Variants in RAB21 observed in about 807,000 individuals in gnomAD.
RAB21 encodes the protein ras-related protein Rab-21.
Under a neutral mutation model 33.1 loss-of-function variants are expected in RAB21, and 13 were observed. The ratio of observed to expected loss-of-function variants is 0.39; its 90% CI spans 0.26 to 0.62. The LOEUF is 0.62. Among genes scored for constraint, RAB21 ranks in the 20% least tolerant of loss-of-function variants. The pLI is 0.48. For synonymous variants in RAB21, 91 were observed against 103.7 expected (o/e 0.88, Z 0.74); for missense variants, 234 against 279.1 (o/e 0.84, Z 1.15).
intron 6 of RAB21, among the ~76,000 whole-genome samples, chr12:71,783,656 A>G (rs1273304284): frequency 6.6e-6 from 1 of 152,154 alleles, no homozygotes; most frequent in Non-Finnish European, 1.5e-5. Flanking sequence ...GGTGCCCAGA[A>G]TCTGTGTTTT....
At position 71,788,802 on chromosome 12, in the gene RAB21, TCTG is replaced by T. The variant is rs948669801; in HGVS notation, c.*3132_*3134del. The T allele has an allele frequency of 1.3e-5, 2 of 152,202 alleles. No individual in the cohort carries two copies. The highest frequency in any genetic ancestry group is 1.3e-4 in the Admixed American group (2 of 15,282). 9.4% of individuals were successfully genotyped at this position (152,202 alleles called of 1,614,324 possible). On this transcript the variant is annotated 3_prime_UTR_variant, in exon 7 of 7. Coordinates refer to ENST00000261263, the MANE Select transcript of RAB21 (RefSeq NM_014999.4). Reference sequence around the variant, plus strand: ...TTGTTTCTGTAATGATGATGGGTATTCTGCTTCTTGTTTTTCATTGTAATTACA... The same window carrying T: ...TTGTTTCTGTAATGATGATGGGTATTCTTCTTGTTTTTCATTGTAATTACA...
intron 4 of RAB21, chr12:71,774,343 A>G (rs1054708629): frequency 2.5e-5 from 4 of 159,724 alleles, no homozygotes; most frequent in Admixed American, 6.7e-5. Context: ...GCATATGCCT[A>G]TAGTCCCAGC....
In RAB21 at chr12:71,794,405, T is replaced by TTATATATATATA. The variant is rs1197587877; in HGVS notation, c.*8744_*8755dup. ...AAAACAAAACAAAACCATATATATA[T>TTATATATATATA]TATATATATATATATATATATATTT... On this transcript the variant is annotated 3_prime_UTR_variant, in exon 7 of 7. Coordinates refer to ENST00000261263, the MANE Select transcript of RAB21 (RefSeq NM_014999.4). The TTATATATATATA allele has an allele frequency of 4.9e-4, 25 of 51,058 alleles. No individual in the cohort carries two copies. Among genetic ancestry groups the TTATATATATATA allele is most frequent in the African/African-American group, 1.9e-3 (18 of 9,370 alleles). The allele number at this position is 51,058 out of a possible 1,614,324, so 3.2% of individuals were successfully genotyped here.
intron 4 of RAB21, among the ~76,000 whole-genome samples, chr12:71,776,191 A>G (rs370760527): frequency 6.6e-6 from 1 of 152,238 alleles, no homozygotes; most frequent in South Asian, 2.1e-4. Flanking sequence ...TTACTAACAC[A>G]TACATAAAGT....
intron 1 of RAB21, 46 bp downstream of exon 1, chr12:71,755,334 C>G (rs1439169092): frequency 6.9e-7 from 1 of 1,445,882 alleles, no homozygotes; most frequent in African/African-American, 1.5e-5. Context: ...GGCCCCTACC[C>G]CTCCGGGGCT....
chr12:71,779,106 GGTTT>G (rs1883161205), intron 4 of RAB21, among the ~76,000 whole-genome samples: 3 of 152,268 alleles, frequency 2.0e-5, no homozygotes, highest in Middle Eastern at 3.4e-3. Flanking sequence ...AACCCTGCAA[GGTTT>G]GTTAGCGACA....
rs1381544861 is a variant in RAB21 at position 71,789,771 on chromosome 12, T to C, written c.*4098T>C. The C allele has an allele frequency of 6.6e-6, 1 of 152,176 alleles. No individual in the cohort carries two copies. The highest frequency in any genetic ancestry group is 1.5e-5 in the Non-Finnish European group (1 of 67,992). 9.4% of individuals were successfully genotyped at this position (152,176 alleles called of 1,614,324 possible). On this transcript the variant is annotated 3_prime_UTR_variant, in exon 7 of 7. Coordinates refer to ENST00000261263, the MANE Select transcript of RAB21 (RefSeq NM_014999.4). ...ATTTTAGTATGTTGCTGTTCTGTTA[T>C]CTGTAATCAACTATAACAGAGTAAT...
rs942795335 is a variant in RAB21 at position 71,792,764 on chromosome 12, T to G, written c.*7091T>G. ...GGGAGAACCAGATAGCCAAAGTGCCTTCCTTTATCGTTGGAACCTAGAGAT... is the reference window on the plus strand; with the variant it reads ...GGGAGAACCAGATAGCCAAAGTGCCGTCCTTTATCGTTGGAACCTAGAGAT... On this transcript the variant is annotated 3_prime_UTR_variant, in exon 7 of 7. Coordinates refer to ENST00000261263, the MANE Select transcript of RAB21 (RefSeq NM_014999.4). 2.0e-5 allele frequency: 3 copies of G among 152,234 alleles called. No homozygotes were observed. The highest frequency in any genetic ancestry group is 7.2e-5 in the African/African-American group (3 of 41,438). The allele number at this position is 152,234 out of a possible 1,614,324, so 9.4% of individuals were successfully genotyped here.
chr12:71,780,859 G>A (rs1883187571), intron 4 of RAB21, among the ~76,000 whole-genome samples: 1 of 152,132 alleles, frequency 6.6e-6, no homozygotes, highest in Non-Finnish European at 1.5e-5. Flanking sequence ...TTATTTATAA[G>A]ATTTCTCTTT....
intron 1 of RAB21, among the ~76,000 whole-genome samples, chr12:71,756,699 G>A (rs924857887): frequency 6.6e-6 from 1 of 152,180 alleles, no homozygotes; most frequent in South Asian, 2.1e-4. Context: ...GTGAGAGCCT[G>A]GTGTTTTAGA....
chr12:71,755,421 C>A (rs1222059758), intron 1 of RAB21, 133 bp downstream of exon 1: 1 of 1,129,614 alleles, frequency 8.9e-7, no homozygotes, highest in East Asian at 3.3e-5. Context: ...TTCGGTTTAC[C>A]TTTCCGAATT....
chr12:71,779,251 G>A (rs1176939931), intron 4 of RAB21, among the ~76,000 whole-genome samples: 2 of 152,120 alleles, frequency 1.3e-5, no homozygotes, highest in African/African-American at 4.8e-5. Context: ...CTTGAGTCCA[G>A]GAGTTTGAGA....
rs1388132606 is a variant in RAB21 at position 71,777,872 on chromosome 12, C to G, written c.391+3850C>G. On this transcript the variant is annotated intron_variant, in intron 4 of 6. Transcript: ENST00000261263. ...GCTAGTATGTTCTTATAGACCCTGT[C>G]TCTCTCCTCACACTGGCCTTCTATC... Among the ~76,000 whole-genome samples the G allele has an allele frequency of 2.6e-5, 4 of 152,212 alleles. No individual in the cohort carries two copies. In the East Asian group the frequency reaches 7.7e-4, roughly 29 times the overall value.
intron 1 of RAB21, among the ~76,000 whole-genome samples, chr12:71,766,477 G>C (rs932741652): frequency 9.2e-5 from 14 of 152,078 alleles, no homozygotes; most frequent in Non-Finnish European, 1.6e-4. Context: ...GGTGTTATTG[G>C]CACCTGAGAA....
Position 71,770,545 on chromosome 12 carries a change from A to G in RAB21, c.220-47A>G, listed in dbSNP as rs753546893. 6.9e-6 allele frequency: 9 copies of G among 1,312,164 alleles called. No individual in the cohort carries two copies. In the South Asian group the frequency reaches 8.3e-5, roughly 12 times the overall value. The allele number at this position is 1,312,164 out of a possible 1,614,324, so 81.3% of individuals were successfully genotyped here. A position where few individuals can be genotyped will look rare whatever the true frequency, so the allele number is the denominator to read the frequency against. Reference sequence around the variant, plus strand: ...AAGTTCACCATAGTTGCAATCGCAGATTTGTATTTTTCTTCTGATCTAATA... The same window carrying G: ...AAGTTCACCATAGTTGCAATCGCAGGTTTGTATTTTTCTTCTGATCTAATA... On this transcript the variant is annotated intron_variant, in intron 2 of 6. Coordinates refer to ENST00000261263, the MANE Select transcript of RAB21 (RefSeq NM_014999.4).
In RAB21 at chr12:71,785,325, G is replaced by A. The variant is rs1021058269; in HGVS notation, c.536-206G>A. ...GGCCATTATACCACTGGATAAATAA[G>A]CTTACTACTTGATACTAGTTTTTGA... On this transcript the variant is annotated intron_variant, in intron 6 of 6. Coordinates refer to ENST00000261263, the MANE Select transcript of RAB21 (RefSeq NM_014999.4). 2.6e-5 allele frequency among the ~76,000 whole-genome samples: 4 copies of A among 152,124 alleles called. No individual in the cohort carries two copies. The East Asian group carries it at 5.8e-4, about 22-fold the overall frequency.
chr12:71,784,493 G>C (rs1207264875), intron 6 of RAB21, among the ~76,000 whole-genome samples: 1 of 150,312 alleles, frequency 6.7e-6, no homozygotes, highest in Non-Finnish European at 1.5e-5. Context: ...TGCATAAGAT[G>C]TTAAGGTGTG....
rs1337275717 is a variant in RAB21, at chr12:71,782,557, A to C, written c.447-13A>C. 1 of 1,529,534 alleles carries C rather than the reference A, an allele frequency of 6.5e-7. No individual in the cohort carries two copies. The highest frequency in any genetic ancestry group is 8.9e-7 in the Non-Finnish European group (1 of 1,119,848). 94.7% of individuals were successfully genotyped at this position (1,529,534 alleles called of 1,614,324 possible). A position where few individuals can be genotyped will look rare whatever the true frequency, so the allele number is the denominator to read the frequency against. On this transcript the variant is annotated splice_polypyrimidine_tract_variant and intron_variant, in intron 5 of 6. Transcript: ENST00000261263. Reference sequence around the variant, plus strand: ...ATATTTTACATCAATCACCGATGTTACTTTTTTTTAAGGTATGCAGAATCT... The same window carrying C: ...ATATTTTACATCAATCACCGATGTTCCTTTTTTTTAAGGTATGCAGAATCT...
Position 71,787,288 on chromosome 12 carries a change from A to C in RAB21, c.*1615A>C, listed in dbSNP as rs961917484. On this transcript the variant is annotated 3_prime_UTR_variant, in exon 7 of 7. Transcript: ENST00000261263. Reference sequence around the variant, plus strand: ...TTTCTTAAGCATAAGACTGAACTTAAATGTGTTAATTTTAGTAGAATCAGG... The same window carrying C: ...TTTCTTAAGCATAAGACTGAACTTACATGTGTTAATTTTAGTAGAATCAGG... 2 of 152,196 alleles carry C rather than the reference A, an allele frequency of 1.3e-5. No individual in the cohort carries two copies. Among genetic ancestry groups the C allele is most frequent in the African/African-American group, 4.8e-5 (2 of 41,444 alleles). The allele number at this position is 152,196 out of a possible 1,614,324, so 9.4% of individuals were successfully genotyped here.
Sources: gnomAD v4.1 joint callset for allele counts (sites outside exome capture counted in the v4.1 genomes callset) on GRCh38, gnomAD v4.1.1 for gene constraint, MANE v1.5 for transcripts, NCBI Gene and HGNC (gene_info 2026-07-23, HGNC 2026-07-21) for gene names.